Variants in IL17RB observed in about 807,000 individuals in gnomAD.
IL17RB encodes the protein interleukin 17 receptor B.
Under a neutral mutation model 43.9 loss-of-function variants are expected in IL17RB, and 36 were observed. The ratio of observed to expected loss-of-function variants is 0.82; its 90% confidence interval spans 0.63 to 1.08. The LOEUF (loss-of-function observed/expected upper bound fraction) is 1.08, where lower values mean the gene tolerates loss of function less well. Ranked by LOEUF, IL17RB falls within the 50% of genes least tolerant of loss-of-function variation. IL17RB has a pLI of 0.00. For missense variants in IL17RB, 613 were observed against 613.6 expected, an observed-to-expected ratio of 1.00 and a Z score of 0.01; for synonymous variants, 225 against 225.4, an observed-to-expected ratio of 1.00 and a Z score of 0.02.
intron 8 of IL17RB, 87 bp from the exon 9 acceptor site, chr3:53,858,632 A>C: frequency 4.5e-6 from 7 of 1,547,818 alleles, no homozygotes; most frequent in Non-Finnish European, 6.1e-6. Flanking sequence ...GCCAGAAAGA[A>C]GGGAAGTTTT....
At chr3:53,863,821 ATTT>A (rs11318618) in intron 10 of IL17RB, among the ~76,000 whole-genome samples, 23,342 of 138,176 alleles carry the variant, frequency 0.17, 1,971 homozygotes, top group African/African-American at 0.23. Flanking sequence ...ACCTCAAAGT[ATTT>A]TTTTTTTTTT....
chr3:53,846,631 G>T lies in IL17RB; in HGVS notation c.43G>T (p.Ala15Ser), dbSNP rs1338687690. 1.9e-6 allele frequency: 3 copies of T among 1,591,794 alleles called. No homozygotes were observed. The highest frequency in any genetic ancestry group is 1.7e-6 in the Non-Finnish European group (2 of 1,172,410). ...AAGCCTGGCCGCGCTGTGCAGGAGCGCCGTACCCCGAGAGCCGGTAAGCCC... is the reference window on the plus strand; with the variant it reads ...AAGCCTGGCCGCGCTGTGCAGGAGCTCCGTACCCCGAGAGCCGGTAAGCCC... ...LLSLAALCRS[A>S]VPREPTVQCG... The change falls in exon 1 of 11, where the codon GCC becomes TCC. Residue 15 changes from alanine (A) to serine (S), a missense_variant. Ala to Ser is a moderately conservative substitution (Grantham distance 99). Transcript: ENST00000288167.
chr3:53,859,293 C>G (rs1365087803), intron 9 of IL17RB: 2 of 152,924 alleles, frequency 1.3e-5, no homozygotes, highest in Non-Finnish European at 1.5e-5. Flanking sequence ...ACAGCATGTT[C>G]TGGAAAATGT....
rs576373918 is a variant in IL17RB, at chr3:53,862,800, T to C, written c.947-1946T>C. On this transcript the variant is annotated intron_variant, in intron 10 of 10. Transcript: ENST00000288167. ...CCTTCTATGATACAAGCATTAAACC[T>C]AAAGCAAGTGGTGGAGGAAGGATTG... 1.4e-4 allele frequency among the ~76,000 whole-genome samples: 21 copies of C among 152,304 alleles called. No individual in the cohort carries two copies. The South Asian group carries it at 4.4e-3, about 32-fold the overall frequency.
chr3:53,851,920 T>C, intron 3 of IL17RB, 79 bp from the exon 4 acceptor site: 2 of 1,498,970 alleles, frequency 1.3e-6, no homozygotes, highest in East Asian at 4.5e-5. Flanking sequence ...AAATAAAGCA[T>C]GCTAGTAAAG....
chr3:53,846,615 C>A lies in IL17RB; in HGVS notation c.27C>A (p.Ala9=), dbSNP rs775906625. The change falls in exon 1 of 11, where the codon GCC becomes GCA. Residue 9 remains alanine, a synonymous_variant. Transcript: ENST00000288167. MSLVLLSL[A]ALCRSAVPRE... ...TGTCGCTCGTGCTGCTAAGCCTGGC[C>A]GCGCTGTGCAGGAGCGCCGTACCCC... 6.3e-7 allele frequency: 1 copy of A among 1,592,460 alleles called. No individual in the cohort carries two copies. The highest frequency in any genetic ancestry group is 8.5e-7 in the Non-Finnish European group (1 of 1,172,992).
At chr3:53,864,452 G>A (rs561373704) in intron 10 of IL17RB, among the ~76,000 whole-genome samples, 57 of 152,174 alleles carry the variant, frequency 3.7e-4, no homozygotes, top group Non-Finnish European at 7.2e-4. Flanking sequence ...GGAGAATGGC[G>A]TGAACCCAGG....
At position 53,853,003 on chromosome 3, in the gene IL17RB, C is replaced by T. The variant is rs766934380; in HGVS notation, c.481+6C>T. 2 of 1,613,934 alleles carry T rather than the reference C, an allele frequency of 1.2e-6. No homozygotes were observed. The highest frequency in any genetic ancestry group is 1.7e-6 in the Non-Finnish European group (2 of 1,179,854). On this transcript the variant is annotated splice_donor_region_variant and intron_variant, in intron 5 of 10. Coordinates refer to ENST00000288167, the MANE Select transcript of IL17RB (RefSeq NM_018725.4). ...TGTGAATTTCACCTCACCAGGTAAA[C>T]TTCCTCATTTGTTTATTATTCTTTG... is the stretch of plus-strand genomic sequence containing the variant.
At position 53,858,491 on chromosome 3, in the gene IL17RB, C is replaced by T; in HGVS notation, c.748-228C>T. ...CGAACTGGTATGTTAGTAACGTGTA[C>T]AAAGTTTAGGTTCAGACCCCGGGAG... On this transcript the variant is annotated intron_variant, in intron 8 of 10. Coordinates refer to ENST00000288167, the MANE Select transcript of IL17RB (RefSeq NM_018725.4). 4 of 1,386,538 alleles carry T rather than the reference C, an allele frequency of 2.9e-6. No homozygotes were observed. The South Asian group carries it at 6.4e-5, about 22-fold the overall frequency. 85.9% of individuals were successfully genotyped at this position (1,386,538 alleles called of 1,614,324 possible).
rs1387242681 is a variant in IL17RB, at chr3:53,865,522, T to C, written c.*214T>C. 1.6e-5 allele frequency: 8 copies of C among 511,740 alleles called. No homozygotes were observed. The highest frequency in any genetic ancestry group is 3.3e-5 in the South Asian group (1 of 30,420). 31.7% of individuals were successfully genotyped at this position (511,740 alleles called of 1,614,324 possible). On this transcript the variant is annotated 3_prime_UTR_variant, in exon 11 of 11. Coordinates refer to ENST00000288167, the MANE Select transcript of IL17RB (RefSeq NM_018725.4). ...TACAACTTCAAAGCTGTTTTATACA[T>C]AGAAATCAATTACAGTTTTAATTGA...
At chr3:53,862,430 C>G (rs762279393) in intron 10 of IL17RB, among the ~76,000 whole-genome samples, 1 of 152,184 alleles carries the variant, frequency 6.6e-6, no homozygotes, top group Admixed American at 6.5e-5. Context: ...AGCCATCAAG[C>G]CTGAAACAAT....
At chr3:53,851,884 C>A in intron 3 of IL17RB, 115 bp from the exon 4 acceptor site, 1 of 1,206,092 alleles carries the variant, frequency 8.3e-7, no homozygotes, top group Non-Finnish European at 1.2e-6. Flanking sequence ...CCTTTCAGTA[C>A]TATTGTGAAT....
intron 6 of IL17RB, among the ~76,000 whole-genome samples, chr3:53,856,630 A>G (rs541147458): frequency 7.9e-4 from 120 of 152,354 alleles, no homozygotes; most frequent in African/African-American, 2.7e-3. Context: ...AGCTGTTTTT[A>G]GCAAAGCAGC....
chr3:53,855,308 A>G lies in IL17RB; in HGVS notation c.496A>G (p.Ile166Val), dbSNP rs150035763. ...CAAATTTCCAGGCTGCCTAGACCAC[A>G]TAATGAAATATAAAAAAAAGTGTGT... is the stretch of plus-strand genomic sequence containing the variant. ...NFTSPGCLDH[I>V]MKYKKKCVKA... Residue 166 changes from isoleucine to valine, a missense_variant, in exon 6 of 11, where the codon ATA (isoleucine) becomes GTA (valine). Ile to Val is a conservative substitution (Grantham distance 29, BLOSUM62 3). Coordinates refer to ENST00000288167, the MANE Select transcript of IL17RB (RefSeq NM_018725.4). 10 of 1,607,940 alleles carry G rather than the reference A, an allele frequency of 6.2e-6. No homozygotes were observed. The highest frequency in any genetic ancestry group is 1.1e-5 in the South Asian group (1 of 90,480).
In IL17RB at chr3:53,865,655, T is replaced by TATG. The variant is rs1326669804; in HGVS notation, c.*348_*350dup. ...ACCCAGAACTGTTTAGCTAATATTC[T>TATG]ATGTTTAATTAATGAATACTAACTC... On this transcript the variant is annotated 3_prime_UTR_variant, in exon 11 of 11. Transcript: ENST00000288167. The TATG allele has an allele frequency of 5.6e-6, 1 of 177,162 alleles. No individual in the cohort carries two copies. The highest frequency in any genetic ancestry group is 1.2e-5 in the Non-Finnish European group (1 of 84,810). The allele number at this position is 177,162 out of a possible 1,614,324, so 11.0% of individuals were successfully genotyped here.
intron 6 of IL17RB, 148 bp downstream of exon 6, chr3:53,855,489 T>C (rs1452256967): frequency 3.4e-6 from 2 of 582,998 alleles, no homozygotes; most frequent in East Asian, 3.0e-5. Flanking sequence ...GAAGCACCTA[T>C]GGCTCCTGAT....
Position 53,865,362 on chromosome 3 carries a change from G to A in IL17RB, c.*54G>A. ...AGGCTTCCTATCCCACCAATTACAG[G>A]GAAAAAACGTGTGATGATCCTGAAG... On this transcript the variant is annotated 3_prime_UTR_variant, in exon 11 of 11. Transcript: ENST00000288167. 8 of 1,396,966 alleles carry A rather than the reference G, an allele frequency of 5.7e-6. No homozygotes were observed. The Admixed American group carries it at 6.5e-5, about 11-fold the overall frequency. The allele number at this position is 1,396,966 out of a possible 1,614,324, so 86.5% of individuals were successfully genotyped here.
intron 2 of IL17RB, among the ~76,000 whole-genome samples, chr3:53,849,402 G>C (rs114323876): frequency 6.6e-6 from 1 of 152,126 alleles, no homozygotes; most frequent in East Asian, 1.9e-4. Flanking sequence ...TGGGTCAGGC[G>C]TGGTGGCTTA....
intron 10 of IL17RB, among the ~76,000 whole-genome samples, chr3:53,863,701 A>G (rs1368275382): frequency 6.6e-6 from 1 of 152,220 alleles, no homozygotes; most frequent in African/African-American, 2.4e-5. Flanking sequence ...ACCTGCAGGT[A>G]GAAGACAGTA....
Sources: allele counts gnomAD v4.1 joint callset (sites outside exome capture counted in the v4.1 genomes callset), GRCh38; gene constraint gnomAD v4.1.1; transcripts MANE v1.5; gene names NCBI Gene and HGNC (gene_info 2026-07-23, HGNC 2026-07-21).